WDR7: variants seen among roughly 807,000 people sequenced by gnomAD.
The protein encoded by WDR7 is WD repeat domain 7.
A neutral mutation model predicts 169.4 loss-of-function variants in WDR7; 46 were observed. That is an observed-to-expected ratio of 0.27 (90% CI 0.21 to 0.35). WDR7 has a LOEUF of 0.35. Among genes scored for constraint, WDR7 ranks in the 10% least tolerant of loss-of-function variants. The probability of loss-of-function intolerance (pLI) is 1.00; values close to 1 mark genes in which losing one functional copy is unlikely to be tolerated. For synonymous variants in WDR7, 612 were observed against 666.8 expected, an observed-to-expected ratio of 0.92 and a Z score of 1.27; for missense variants, 1,534 against 1,859.3, an observed-to-expected ratio of 0.83 and a Z score of 3.22.
chr18:56,964,073 T>G (rs2047371858), intron 26 of WDR7, among the ~76,000 whole-genome samples: 1 of 151,746 alleles, frequency 6.6e-6, no homozygotes, highest in Non-Finnish European at 1.5e-5. Context: ...GTGAGCACTG[T>G]GAGGCGACCC....
intron 1 of WDR7, among the ~76,000 whole-genome samples, chr18:56,659,747 G>C (rs908380487): frequency 7.2e-5 from 11 of 152,252 alleles, no homozygotes; most frequent in East Asian, 5.8e-4. Context: ...AAGCAAGGGA[G>C]AGAACAACCA....
intron 20 of WDR7, among the ~76,000 whole-genome samples, chr18:56,838,298 G>A (rs1476977353): frequency 6.6e-6 from 1 of 152,068 alleles, no homozygotes; most frequent in Non-Finnish European, 1.5e-5. Flanking sequence ...CTAAAGCAGG[G>A]ATATACAGCT....
Position 56,666,243 on chromosome 18 carries a change from G to A in WDR7, c.-19-6254G>A, listed in dbSNP as rs547921832. Among the ~76,000 whole-genome samples the A allele has an allele frequency of 5.9e-4, 50 of 84,778 alleles. 1 individual carries two copies. The Admixed American group carries it at 7.1e-3, about 12-fold the overall frequency. 55.6% of individuals were successfully genotyped at this position (84,778 alleles called of 152,430 possible). A position where few individuals can be genotyped will look rare whatever the true frequency, so the allele number is the denominator to read the frequency against. ...TTTGAGCCGCAGTTTCACTCTTGTT[G>A]CCCAGGCTGGAGTGCAACGGCACAA... On this transcript the variant is annotated intron_variant, in intron 1 of 27. Transcript: ENST00000254442.
chr18:56,857,796 G>T (rs2045745422), intron 20 of WDR7, among the ~76,000 whole-genome samples: 2 of 152,144 alleles, frequency 1.3e-5, no homozygotes, highest in Admixed American at 6.5e-5. Context: ...GCATGAAGCA[G>T]TATGGGAGCC....
intron 5 of WDR7, among the ~76,000 whole-genome samples, chr18:56,685,704 A>G (rs1029210496): frequency 1.3e-5 from 2 of 152,234 alleles, no homozygotes; most frequent in Non-Finnish European, 1.5e-5. Flanking sequence ...TGAAATTATT[A>G]AAAACTTCTT....
intron 14 of WDR7, among the ~76,000 whole-genome samples, chr18:56,737,752 A>C (rs1403822900): frequency 6.6e-6 from 1 of 152,168 alleles, no homozygotes; most frequent in African/African-American, 2.4e-5. Flanking sequence ...TTTATGATTC[A>C]CTGTGAAAAG....
chr18:56,846,699 T>C (rs2045573685), intron 20 of WDR7, among the ~76,000 whole-genome samples: 1 of 152,140 alleles, frequency 6.6e-6, no homozygotes, highest in Non-Finnish European at 1.5e-5. Flanking sequence ...TTTAAAAAAG[T>C]CTGGGACCTT....
intron 20 of WDR7, among the ~76,000 whole-genome samples, chr18:56,868,800 A>G (rs938516112): frequency 6.6e-6 from 1 of 152,160 alleles, no homozygotes; most frequent in Non-Finnish European, 1.5e-5. Flanking sequence ...TGCCATGTGT[A>G]TCAGATTCAC....
At chr18:56,929,194 T>G (rs2046847632) in intron 22 of WDR7, among the ~76,000 whole-genome samples, 1 of 152,026 alleles carries the variant, frequency 6.6e-6, no homozygotes, top group Non-Finnish European at 1.5e-5. Flanking sequence ...GAGGATCACT[T>G]GAGCACAGGA....
chr18:56,898,634 C>A (rs573843080), intron 21 of WDR7, among the ~76,000 whole-genome samples: 1 of 152,000 alleles, frequency 6.6e-6, no homozygotes, highest in Non-Finnish European at 1.5e-5. Context: ...GAAAACATCC[C>A]AACTGAGAGA....
At chr18:56,682,109 G>A (rs890626961) in intron 4 of WDR7, among the ~76,000 whole-genome samples, 8 of 152,138 alleles carry the variant, frequency 5.3e-5, no homozygotes, top group African/African-American at 1.7e-4. Flanking sequence ...TTCTTGTATT[G>A]TGTTTGATTT....
chr18:57,005,661 C>CT (rs2048045604), intron 26 of WDR7, among the ~76,000 whole-genome samples: 1 of 151,778 alleles, frequency 6.6e-6, no homozygotes, highest in Admixed American at 6.6e-5. Context: ...TTTTTAGTTT[C>CT]TTTTTTTATA....
At chr18:56,694,791 A>G (rs1301086815) in intron 10 of WDR7, 31 bp downstream of exon 10, 1 of 1,577,698 alleles carries the variant, frequency 6.3e-7, no homozygotes, top group Non-Finnish European at 8.6e-7. Context: ...ACAATTTCTT[A>G]ATTAATTTAA....
intron 27 of WDR7, among the ~76,000 whole-genome samples, chr18:57,021,244 T>C (rs573686616): frequency 9.7e-4 from 147 of 152,064 alleles, no homozygotes; most frequent in Non-Finnish European, 1.5e-3. Flanking sequence ...TGTGGGTGGT[T>C]AAGAAGGGGG....
At chr18:56,848,718 G>A (rs1327220577) in intron 20 of WDR7, among the ~76,000 whole-genome samples, 1 of 151,966 alleles carries the variant, frequency 6.6e-6, no homozygotes, top group Non-Finnish European at 1.5e-5. Flanking sequence ...TGTTTAAAGA[G>A]CCTGGCACCT....
chr18:57,022,837 C>T (rs2048310094), intron 27 of WDR7, among the ~76,000 whole-genome samples: 1 of 152,204 alleles, frequency 6.6e-6, no homozygotes, highest in Non-Finnish European at 1.5e-5. Flanking sequence ...TCTCTGAAGC[C>T]TCCTGCTGTT....
At chr18:56,857,357 C>CA (rs893025525) in intron 20 of WDR7, among the ~76,000 whole-genome samples, 4 of 152,086 alleles carry the variant, frequency 2.6e-5, no homozygotes, top group Non-Finnish European at 5.9e-5. Flanking sequence ...CCTCCTGGCT[C>CA]ACGCGATCCT....
intron 7 of WDR7, among the ~76,000 whole-genome samples, chr18:56,689,801 T>G (rs2025525795): frequency 7.6e-6 from 1 of 130,798 alleles, no homozygotes; most frequent in African/African-American, 2.6e-5. Flanking sequence ...TATATTGTTC[T>G]AACTTTTATA....
At chr18:56,690,201 G>A (rs1029159754) in intron 7 of WDR7, among the ~76,000 whole-genome samples, 1 of 152,098 alleles carries the variant, frequency 6.6e-6, no homozygotes, top group Non-Finnish European at 1.5e-5. Context: ...TTGAGCAATT[G>A]ATCAAATCTT....
Sources: allele counts gnomAD v4.1 joint callset (sites outside exome capture counted in the v4.1 genomes callset), GRCh38; gene constraint gnomAD v4.1.1; transcripts MANE v1.5; gene names NCBI Gene and HGNC (gene_info 2026-07-23, HGNC 2026-07-21).